HPSE2: variants seen among roughly 807,000 people sequenced by gnomAD.
HPSE2 encodes inactive heparanase-2.
In HPSE2, 38 loss-of-function variants were observed where a neutral mutation model predicts 60.5. That is an observed-to-expected ratio of 0.63 (90% CI 0.48 to 0.82). HPSE2 has a LOEUF of 0.82. HPSE2 is among the 40% of genes least tolerant of loss of function. The probability of loss-of-function intolerance (pLI) is 0.00; values close to 1 mark genes in which losing one functional copy is unlikely to be tolerated. For synonymous variants in HPSE2, 295 were observed against 293.2 expected, an observed-to-expected ratio of 1.01 and a Z score of -0.06; for missense variants, 713 against 740.4, an observed-to-expected ratio of 0.96 and a Z score of 0.43.
intron 3 of HPSE2, among the ~76,000 whole-genome samples, chr10:98,869,943 A>G (rs1435345442): frequency 6.6e-6 from 1 of 152,200 alleles, no homozygotes; most frequent in Non-Finnish European, 1.5e-5. Flanking sequence ...GAAAAAAAAG[A>G]AAGAAGATAA....
At chr10:98,696,260 C>A (rs1948210027) in intron 5 of HPSE2, among the ~76,000 whole-genome samples, 2 of 128,472 alleles carry the variant, frequency 1.6e-5, no homozygotes, top group African/African-American at 5.6e-5. Context: ...CCAAGATAGC[C>A]AACTAGAAGC....
chr10:98,493,607 G>A (rs1448263660), intron 9 of HPSE2, among the ~76,000 whole-genome samples: 3 of 151,984 alleles, frequency 2.0e-5, no homozygotes, highest in Non-Finnish European at 1.5e-5. Flanking sequence ...TAATAAAGCT[G>A]CCCCTACTCT....
chr10:99,207,499 A>G (rs1848797443), intron 2 of HPSE2, among the ~76,000 whole-genome samples: 1 of 152,196 alleles, frequency 6.6e-6, no homozygotes, highest in Admixed American at 6.5e-5. Context: ...AAAATACTGT[A>G]ATGATAGTAT....
intron 9 of HPSE2, among the ~76,000 whole-genome samples, chr10:98,544,142 A>G (rs1230105611): frequency 1.3e-5 from 2 of 152,212 alleles, no homozygotes; most frequent in Non-Finnish European, 2.9e-5. Flanking sequence ...CTCAGACCAC[A>G]GTGCAATCAA....
chr10:98,831,038 TTG>T (rs1281558910), intron 3 of HPSE2, among the ~76,000 whole-genome samples: 1 of 152,190 alleles, frequency 6.6e-6, no homozygotes, highest in East Asian at 1.9e-4. Context: ...TCTAGATTGT[TTG>T]TTTTTCATTC....
chr10:98,782,890 G>T (rs1455020257), intron 3 of HPSE2, among the ~76,000 whole-genome samples: 13 of 128,956 alleles, frequency 1.0e-4, no homozygotes, highest in Admixed American at 8.4e-4. Flanking sequence ...TGGGTTGAGT[G>T]GGTCTACTTC....
chr10:99,267,954 C>A, the HPSE2 span, among the ~76,000 whole-genome samples: 10 of 152,088 alleles, frequency 6.6e-5, no homozygotes, highest in East Asian at 1.4e-3. Context: ...TCAAAAAACA[C>A]CTGGGAAATG....
At chr10:99,259,214 G>A in the HPSE2 span, among the ~76,000 whole-genome samples, 1 of 151,340 alleles carries the variant, frequency 6.6e-6, no homozygotes, top group African/African-American at 2.4e-5. Flanking sequence ...GCTGAGGCGG[G>A]AGAATTGCTT....
At chr10:98,821,649 G>A (rs1196927652) in intron 3 of HPSE2, among the ~76,000 whole-genome samples, 2 of 152,144 alleles carry the variant, frequency 1.3e-5, no homozygotes, top group Non-Finnish European at 1.5e-5. Context: ...CAGCCGTTAC[G>A]CCTTTGGGGT....
At chr10:98,849,284 T>C (rs1276929497) in intron 3 of HPSE2, among the ~76,000 whole-genome samples, 1 of 152,242 alleles carries the variant, frequency 6.6e-6, no homozygotes, top group African/African-American at 2.4e-5. Flanking sequence ...TACTTCATCA[T>C]GTGTATGCAC....
intron 3 of HPSE2, among the ~76,000 whole-genome samples, chr10:99,113,403 T>C (rs1844550196): frequency 6.6e-6 from 1 of 152,178 alleles, no homozygotes; most frequent in Admixed American, 6.5e-5. Context: ...TGGTGGTCTC[T>C]AAATATTTTT....
chr10:98,614,815 G>T, intron 9 of HPSE2, 89 bp downstream of exon 9: 1 of 920,510 alleles, frequency 1.1e-6, no homozygotes, highest in Non-Finnish European at 1.8e-6. Flanking sequence ...ACAGCAAGAG[G>T]AAAAATATTC....
At chr10:98,838,517 TG>T (rs2134681776) in intron 3 of HPSE2, among the ~76,000 whole-genome samples, 1 of 151,912 alleles carries the variant, frequency 6.6e-6, no homozygotes, top group South Asian at 2.1e-4. Context: ...CTCAAACTAC[TG>T]GGCTCAATTG....
intron 3 of HPSE2, among the ~76,000 whole-genome samples, chr10:98,767,200 C>G (rs189010910): frequency 3.3e-5 from 5 of 151,968 alleles, no homozygotes; most frequent in African/African-American, 1.2e-4. Flanking sequence ...CACTTGTGTA[C>G]AAGGAGACAA....
chr10:98,725,212 G>A (rs1156826333), intron 4 of HPSE2, among the ~76,000 whole-genome samples: 2 of 152,116 alleles, frequency 1.3e-5, no homozygotes, highest in African/African-American at 4.8e-5. Flanking sequence ...CAAAGCTGGA[G>A]GCATCATGCT....
At chr10:99,095,481 C>T (rs1000783528) in intron 3 of HPSE2, among the ~76,000 whole-genome samples, 1 of 152,140 alleles carries the variant, frequency 6.6e-6, no homozygotes, top group Non-Finnish European at 1.5e-5. Context: ...AGTTGTGCAA[C>T]CATCACCACA....
intron 3 of HPSE2, among the ~76,000 whole-genome samples, chr10:98,746,893 T>C (rs1247915130): frequency 6.6e-6 from 1 of 151,984 alleles, no homozygotes; most frequent in Non-Finnish European, 1.5e-5. Context: ...ATAAATAGGT[T>C]AAGAAACTGG....
chr10:98,772,097 A>G (rs1226881119), intron 3 of HPSE2, among the ~76,000 whole-genome samples: 7 of 152,218 alleles, frequency 4.6e-5, no homozygotes. Context: ...GTGGTTGGAG[A>G]GGCAAAGCAA....
chr10:98,776,163 T>C (rs1950334806), intron 3 of HPSE2, among the ~76,000 whole-genome samples: 1 of 151,788 alleles, frequency 6.6e-6, no homozygotes, highest in Non-Finnish European at 1.5e-5. Context: ...CCAGGCACAG[T>C]GGCCCACGCC....
Sources: gnomAD v4.1 joint callset for allele counts (sites outside exome capture counted in the v4.1 genomes callset) on GRCh38, gnomAD v4.1.1 for gene constraint, MANE v1.5 for transcripts, NCBI Gene and HGNC (gene_info 2026-07-23, HGNC 2026-07-21) for gene names.